Variants in PHACTR3 observed in about 807,000 individuals in gnomAD.
The protein encoded by PHACTR3 is phosphatase and actin regulator 3.
PHACTR3 carries 16 observed loss-of-function variants against 66.8 expected under a neutral mutation model. The ratio of observed to expected loss-of-function variants is 0.24; its 90% CI spans 0.16 to 0.36. The LOEUF is 0.36. PHACTR3 is among the 10% of genes least tolerant of loss of function. The probability of loss-of-function intolerance (pLI) is 1.00; values close to 1 mark genes in which losing one functional copy is unlikely to be tolerated. For missense variants in PHACTR3, 647 were observed against 719.9 expected, an observed-to-expected ratio of 0.90 and a Z score of 1.16; for synonymous variants, 323 against 292.1, an observed-to-expected ratio of 1.11 and a Z score of -1.08.
chr20:59,693,867 A>G (rs944181165), intron 1 of PHACTR3, among the ~76,000 whole-genome samples: 2 of 152,204 alleles, frequency 1.3e-5, no homozygotes, highest in Admixed American at 6.5e-5. Context: ...AGGGAAATGT[A>G]CAAAGCCCCG....
chr20:59,832,476 C>T (rs907051997), intron 8 of PHACTR3, among the ~76,000 whole-genome samples: 1 of 152,224 alleles, frequency 6.6e-6, no homozygotes, highest in Non-Finnish European at 1.5e-5. Context: ...GCCTGCAGCA[C>T]ACTTTGTCCT....
chr20:59,610,090 T>C (rs920671541), intron 1 of PHACTR3, among the ~76,000 whole-genome samples: 2 of 152,086 alleles, frequency 1.3e-5, no homozygotes, highest in African/African-American at 2.4e-5. Context: ...CCTGTCTCTA[T>C]AAAAAATACA....
intron 1 of PHACTR3, among the ~76,000 whole-genome samples, chr20:59,577,924 G>A (rs556637540): frequency 6.6e-6 from 1 of 152,388 alleles, no homozygotes; most frequent in South Asian, 2.1e-4. Context: ...CGCTGTATGA[G>A]CCTGTGCGCA....
In PHACTR3 at chr20:59,808,972, A is replaced by G. The variant is rs114186195; in HGVS notation, c.1328+2778A>G. On this transcript the variant is annotated intron_variant, in intron 8 of 12. Coordinates refer to ENST00000371015, the MANE Select transcript of PHACTR3 (RefSeq NM_080672.5). ...CTTCTGACCACCAAACGTGTCCCAG[A>G]CACCGCCCAACGTCCCCTGAGGTCA... 5.7e-3 allele frequency among the ~76,000 whole-genome samples: 865 copies of G among 152,210 alleles called. 9 individuals carry two copies. The highest frequency in any genetic ancestry group is 0.02 in the African/African-American group (820 of 41,532).
intron 1 of PHACTR3, among the ~76,000 whole-genome samples, chr20:59,686,827 G>C (rs1429346530): frequency 7.1e-6 from 1 of 139,878 alleles, no homozygotes; most frequent in Non-Finnish European, 1.6e-5. Context: ...GGTGATGGTG[G>C]TGGTGATGAT....
In PHACTR3 at chr20:59,727,749, T is replaced by A. The variant is rs911297859; in HGVS notation, c.119-15358T>A. Among the ~76,000 whole-genome samples the A allele has an allele frequency of 6.6e-5, 10 of 152,190 alleles. 1 individual carries two copies. The highest frequency in any genetic ancestry group is 1.5e-4 in the Non-Finnish European group (10 of 68,030). ...CGAAACTTTTTTAGTGTTGACATGATGCTCAAAGAAAATATTCATCAGAAC... is the reference window on the plus strand; with the variant it reads ...CGAAACTTTTTTAGTGTTGACATGAAGCTCAAAGAAAATATTCATCAGAAC... On this transcript the variant is annotated intron_variant, in intron 1 of 12. Transcript: ENST00000371015.
At chr20:59,761,646 T>G (rs1026333358) in intron 4 of PHACTR3, among the ~76,000 whole-genome samples, 1 of 152,202 alleles carries the variant, frequency 6.6e-6, no homozygotes, top group African/African-American at 2.4e-5. Flanking sequence ...ACAAAAATGT[T>G]TACTATCTGC....
At chr20:59,727,459 G>A (rs1169174855) in intron 1 of PHACTR3, among the ~76,000 whole-genome samples, 2 of 152,134 alleles carry the variant, frequency 1.3e-5, no homozygotes, top group Non-Finnish European at 2.9e-5. Flanking sequence ...AGAAGGGATG[G>A]GGGAACTACT....
chr20:59,803,770 G>A (rs544456793), intron 7 of PHACTR3, among the ~76,000 whole-genome samples: 75 of 152,288 alleles, frequency 4.9e-4, no homozygotes, highest in African/African-American at 1.6e-3. Context: ...AGTCCGGGAT[G>A]AACATCCTTT....
chr20:59,735,357 AAAAC>A (rs1160241849), intron 1 of PHACTR3, among the ~76,000 whole-genome samples: 3 of 152,148 alleles, frequency 2.0e-5, no homozygotes, highest in African/African-American at 7.2e-5. Flanking sequence ...GTGAATGAAT[AAAAC>A]AAACAAGGAA....
intron 1 of PHACTR3, among the ~76,000 whole-genome samples, chr20:59,638,778 G>A (rs1449922745): frequency 7.2e-6 from 1 of 139,210 alleles, no homozygotes; most frequent in Non-Finnish European, 1.5e-5. Flanking sequence ...ATGGACGGAT[G>A]GATAAATGGA....
intron 7 of PHACTR3, among the ~76,000 whole-genome samples, chr20:59,784,549 G>A (rs2040840557): frequency 1.3e-5 from 2 of 152,120 alleles, no homozygotes; most frequent in Non-Finnish European, 2.9e-5. Flanking sequence ...GCTTGAGCCT[G>A]GGCGTGGAGA....
intron 8 of PHACTR3, among the ~76,000 whole-genome samples, chr20:59,816,196 A>T (rs1331513964): frequency 6.6e-6 from 1 of 151,900 alleles, no homozygotes; most frequent in African/African-American, 2.4e-5. Flanking sequence ...TGCAACCCAG[A>T]TCCCTCATAT....
At chr20:59,786,416 C>T (rs914562423) in intron 7 of PHACTR3, among the ~76,000 whole-genome samples, 2 of 152,186 alleles carry the variant, frequency 1.3e-5, no homozygotes, top group Non-Finnish European at 2.9e-5. Context: ...TGGGGGACAG[C>T]GAGGGCTGCT....
At chr20:59,771,298 T>C (rs967708626) in intron 5 of PHACTR3, among the ~76,000 whole-genome samples, 1 of 152,110 alleles carries the variant, frequency 6.6e-6, no homozygotes, top group African/African-American at 2.4e-5. Context: ...GCGTGTCACC[T>C]GCGTGTGCTC....
intron 4 of PHACTR3, among the ~76,000 whole-genome samples, chr20:59,763,279 T>C (rs1195286014): frequency 6.6e-6 from 1 of 152,228 alleles, no homozygotes; most frequent in Non-Finnish European, 1.5e-5. Context: ...ATTGTAAGTT[T>C]CCTGAGGCCT....
At chr20:59,803,425 A>G (rs562778446) in intron 7 of PHACTR3, among the ~76,000 whole-genome samples, 51 of 152,204 alleles carry the variant, frequency 3.4e-4, no homozygotes, top group Admixed American at 2.9e-3. Context: ...CTAAGCAATG[A>G]CTTCTTTTTT....
At chr20:59,844,649 C>G (rs557111462) in intron 11 of PHACTR3, 2 of 152,134 alleles carry the variant, frequency 1.3e-5, no homozygotes, top group South Asian at 2.1e-4. Flanking sequence ...TGGAGGTAGA[C>G]AGTAGAATGA....
intron 1 of PHACTR3, among the ~76,000 whole-genome samples, chr20:59,697,484 C>T (rs1236783807): frequency 1.3e-5 from 2 of 152,152 alleles, no homozygotes; most frequent in South Asian, 4.1e-4. Flanking sequence ...CTTTGGAAGC[C>T]AGGAGACTTG....
Sources: allele counts gnomAD v4.1 joint callset (sites outside exome capture counted in the v4.1 genomes callset), GRCh38; gene constraint gnomAD v4.1.1; transcripts MANE v1.5; gene names NCBI Gene and HGNC (gene_info 2026-07-23, HGNC 2026-07-21).